Variants in PIKFYVE observed in about 807,000 individuals in gnomAD.
PIKFYVE encodes phosphoinositide kinase, FYVE-type zinc finger containing, also known as 1-phosphatidylinositol 3-phosphate 5-kinase.
In PIKFYVE, 122 loss-of-function variants were observed where a neutral mutation model predicts 257.9. The observed-to-expected ratio is 0.47, with a 90% CI of 0.41 to 0.55. The LOEUF (loss-of-function observed/expected upper bound fraction) is 0.55. Among genes scored for constraint, PIKFYVE ranks in the 20% least tolerant of loss-of-function variants. The pLI is 0.00. For synonymous variants in PIKFYVE, 892 were observed against 868.9 expected (o/e 1.03, Z -0.47); for missense variants, 2,160 against 2,536.6 (o/e 0.85, Z 3.19).
At chr2:208,343,936 G>A (rs113582418) in intron 32 of PIKFYVE, among the ~76,000 whole-genome samples, 14,972 of 150,896 alleles carry the variant, frequency 0.099, 823 homozygotes, top group Non-Finnish European at 0.12. Context: ...GTTTCACGCC[G>A]TTCTCCTGCC....
At position 208,325,787 on chromosome 2, in the gene PIKFYVE, C is replaced by T. The variant is rs371845655; in HGVS notation, c.2976C>T (p.Gly992=). The change falls in exon 20 of 42, where the codon GGC becomes GGT. Residue 992 remains glycine, a synonymous_variant. Transcript: ENST00000264380. ...TGGATGACCAACAAGATGCTTTAGG[C>T]AGCGAGCAGCCAGAGACTTTGCAGC... The part of the protein sequence containing the change: ...LPVDDQQDAL[G]SEQPETLQQT... 8.1e-6 allele frequency: 13 copies of T among 1,613,916 alleles called. No homozygotes were observed. The highest frequency in any genetic ancestry group is 1.3e-5 in the African/African-American group (1 of 74,914).
At chr2:208,283,129 G>A (rs1285679034) in intron 5 of PIKFYVE, among the ~76,000 whole-genome samples, 15 of 152,068 alleles carry the variant, frequency 9.9e-5, no homozygotes, top group Admixed American at 9.8e-4. Flanking sequence ...GGGACCCCTG[G>A]GGTAATATAT....
chr2:208,339,289 A>G, intron 29 of PIKFYVE, 129 bp from the exon 30 acceptor site: 1 of 1,023,994 alleles, frequency 9.8e-7, no homozygotes, highest in South Asian at 1.4e-5. Context: ...TATATGACCT[A>G]GATGATTTTT....
intron 5 of PIKFYVE, 110 bp downstream of exon 5, chr2:208,277,818 C>A: frequency 8.8e-7 from 1 of 1,137,244 alleles, no homozygotes; most frequent in Non-Finnish European, 1.3e-6. Flanking sequence ...ATGTGTAAGA[C>A]ATGGGGACAC....
At chr2:208,330,230 A>G (rs1387843956) in intron 22 of PIKFYVE, among the ~76,000 whole-genome samples, 1 of 152,172 alleles carries the variant, frequency 6.6e-6, no homozygotes, top group African/African-American at 2.4e-5. Flanking sequence ...AAGTCTTAGC[A>G]TCATCACTCG....
intron 5 of PIKFYVE, among the ~76,000 whole-genome samples, chr2:208,285,186 C>A (rs1186628798): frequency 6.6e-6 from 1 of 152,208 alleles, no homozygotes; most frequent in Admixed American, 6.5e-5. Context: ...ACCTCCGCCT[C>A]CCGGGTTCAA....
chr2:208,332,320 T>G (rs1172765081), intron 23 of PIKFYVE, among the ~76,000 whole-genome samples: 2 of 152,204 alleles, frequency 1.3e-5, no homozygotes, highest in Non-Finnish European at 2.9e-5. Context: ...TAGGATTGGG[T>G]AAGAAAGTGG....
chr2:208,338,825 T>A (rs1284486617), intron 29 of PIKFYVE, among the ~76,000 whole-genome samples: 3 of 152,154 alleles, frequency 2.0e-5, no homozygotes, highest in Non-Finnish European at 4.4e-5. Context: ...AAAAGTAAAT[T>A]GAATTTTTTT....
At chr2:208,333,265 A>G in intron 23 of PIKFYVE, 50 bp from the exon 24 acceptor site, 1 of 1,567,792 alleles carries the variant, frequency 6.4e-7, no homozygotes, top group Non-Finnish European at 8.7e-7. Flanking sequence ...ATTTTTTGAA[A>G]AAGAGATTCT....
intron 1 of PIKFYVE, among the ~76,000 whole-genome samples, chr2:208,270,669 A>T (rs1689303408): frequency 1.3e-5 from 2 of 152,084 alleles, no homozygotes; most frequent in Non-Finnish European, 2.9e-5. Context: ...AGTTTTGTAG[A>T]CATGTCATTA....
At chr2:208,349,907 G>A in intron 35 of PIKFYVE, 117 bp from the exon 36 acceptor site, 1 of 1,450,654 alleles carries the variant, frequency 6.9e-7, no homozygotes, top group South Asian at 1.3e-5. Flanking sequence ...ACTTGAGTAG[G>A]ATATTTTTAC....
At chr2:208,345,311 G>T (rs1699129453) in intron 33 of PIKFYVE, 117 bp downstream of exon 33, 1 of 866,582 alleles carries the variant, frequency 1.2e-6, no homozygotes, top group African/African-American at 1.7e-5. Context: ...GATTCAGATA[G>T]TGGCACTCAT....
intron 40 of PIKFYVE, 96 bp from the exon 41 acceptor site, chr2:208,354,475 C>A: frequency 8.7e-7 from 1 of 1,148,096 alleles, no homozygotes; most frequent in Non-Finnish European, 1.3e-6. Flanking sequence ...TAAAAGTTAA[C>A]TGTCATAGAA....
At chr2:208,285,639 A>T (rs1691473300) in intron 5 of PIKFYVE, 87 bp from the exon 6 acceptor site, 1 of 1,068,686 alleles carries the variant, frequency 9.4e-7, no homozygotes, top group Admixed American at 1.7e-5. Flanking sequence ...TGTTGACCCA[A>T]GGAGTTAAAA....
Position 208,355,449 on chromosome 2 carries a change from G to A in PIKFYVE, c.*144G>A, listed in dbSNP as rs985431758. On this transcript the variant is annotated 3_prime_UTR_variant, in exon 42 of 42. Coordinates refer to ENST00000264380, the MANE Select transcript of PIKFYVE (RefSeq NM_015040.4). ...AGTTCTGTGGCTGTTTAGACTGTCCGTAATGGAATGGTAAAACTCCATGAA... is the reference window on the plus strand; with the variant it reads ...AGTTCTGTGGCTGTTTAGACTGTCCATAATGGAATGGTAAAACTCCATGAA... 35 of 652,302 alleles carry A rather than the reference G, an allele frequency of 5.4e-5. No individual in the cohort carries two copies. In the Admixed American group the frequency reaches 8.5e-4, roughly 16 times the overall value. The allele number at this position is 652,302 out of a possible 1,614,324, so 40.4% of individuals were successfully genotyped here. A position where few individuals can be genotyped will look rare whatever the true frequency, so the allele number is the denominator to read the frequency against.
chr2:208,324,726 GGCATATATTGATTACTAA>G (rs1251214153), intron 18 of PIKFYVE, among the ~76,000 whole-genome samples, 167 bp from the exon 19 acceptor site: 2 of 151,832 alleles, frequency 1.3e-5, no homozygotes, highest in Admixed American at 1.3e-4. Flanking sequence ...GGTTTCAGTG[GGCATATATTGATTACTAA>G]GCAACTAAGT....
chr2:208,324,795 TAAA>T, intron 18 of PIKFYVE, 113 bp from the exon 19 acceptor site: 2 of 1,302,484 alleles, frequency 1.5e-6, no homozygotes, highest in South Asian at 1.3e-5. Flanking sequence ...ATATATTTAT[TAAA>T]AAGGAAATTT....
chr2:208,271,586 A>G lies in PIKFYVE; in HGVS notation c.67A>G (p.Ser23Gly). 3 of 1,614,102 alleles carry G rather than the reference A, an allele frequency of 1.9e-6. No homozygotes were observed. Among genetic ancestry groups the G allele is most frequent in the East Asian group, 2.2e-5 (1 of 44,878 alleles). ...TAATGATTTGCCTCGATCTCCTACT[A>G]GTCCTTCTCATCTCACACACTTTAA... ...SANDLPRSPT[S>G]PSHLTHFKPL... Residue 23 changes from serine (S) to glycine (G), a missense_variant, in exon 2 of 42, where the codon AGT (serine) becomes GGT (glycine). By Grantham distance (56) the Ser-to-Gly change is moderately conservative (BLOSUM62 0). Around this residue, in one of 12 missense-constraint regions of PIKFYVE, gnomAD observed 172 missense variants for 180.6 expected, o/e 0.95. Transcript: ENST00000264380.
chr2:208,268,291 T>C (rs938180208), intron 1 of PIKFYVE, among the ~76,000 whole-genome samples: 79 of 152,298 alleles, frequency 5.2e-4, no homozygotes, highest in Middle Eastern at 3.4e-3. Context: ...AGATAACCTT[T>C]AGAAGTAATT....
Sources: gnomAD v4.1 joint callset for allele counts (sites outside exome capture counted in the v4.1 genomes callset) on GRCh38, gnomAD v4.1.1 for gene constraint, gnomAD v4.1.1 regional missense constraint, MANE v1.5 for transcripts, NCBI Gene and HGNC (gene_info 2026-07-23, HGNC 2026-07-21) for gene names.